THSD1: variants seen among roughly 807,000 people sequenced by gnomAD.
THSD1 encodes thrombospondin type-1 domain-containing protein 1.
Under a neutral mutation model 46.3 loss-of-function variants are expected in THSD1, and 34 were observed. The ratio of observed to expected loss-of-function variants is 0.74; its 90% confidence interval spans 0.56 to 0.98. The LOEUF is 0.98. Ranked by LOEUF, THSD1 falls within the 50% of genes least tolerant of loss-of-function variation. The pLI is 0.00. For synonymous variants in THSD1, 407 were observed against 416.5 expected (o/e 0.98, Z 0.28); for missense variants, 1,023 against 1,058.3 (o/e 0.97, Z 0.46).
intron 4 of THSD1, among the ~76,000 whole-genome samples, chr13:52,379,803 C>T (rs1353374033): frequency 6.6e-6 from 1 of 152,106 alleles, no homozygotes; most frequent in African/African-American, 2.4e-5. Flanking sequence ...TCAGTGTTCA[C>T]TTACGATAAT....
At chr13:52,400,182 G>T in intron 2 of THSD1, 1 of 158,890 alleles carries the variant, frequency 6.3e-6, no homozygotes, top group Non-Finnish European at 1.4e-5. Context: ...GCCAGTCAAT[G>T]AAAAAGACAC....
intron 2 of THSD1, among the ~76,000 whole-genome samples, chr13:52,401,570 A>T (rs918218663): frequency 2.1e-4 from 32 of 152,296 alleles, no homozygotes; most frequent in African/African-American, 7.5e-4. Flanking sequence ...AAGTGCTGGG[A>T]TTACAGGCAT....
At position 52,397,848 on chromosome 13, in the gene THSD1, A is replaced by G. The variant is rs1359616006; in HGVS notation, c.405T>C (p.Asn135=). ...VEWPVFHVDL[N]RSAKAAEGTF... Reference sequence around the variant, plus strand: ...TGCCTTCTGCTGCCTTGGCACTCCTATTCAAGTCAACGTGAAAGACAGGCC... The same window carrying G: ...TGCCTTCTGCTGCCTTGGCACTCCTGTTCAAGTCAACGTGAAAGACAGGCC... Residue 135 remains asparagine (N), a synonymous_variant, in exon 3 of 5, where the codon AAT becomes AAC. Coordinates refer to ENST00000258613, the MANE Select transcript of THSD1 (RefSeq NM_018676.4). 1.9e-6 allele frequency: 3 copies of G among 1,614,232 alleles called. No individual in the cohort carries two copies. The highest frequency in any genetic ancestry group is 2.7e-5 in the African/African-American group (2 of 75,058).
intron 3 of THSD1, among the ~76,000 whole-genome samples, chr13:52,388,882 C>T (rs1957752701): frequency 6.6e-6 from 1 of 152,098 alleles, no homozygotes; most frequent in South Asian, 2.1e-4. Flanking sequence ...AGTCCTTATA[C>T]TACATGTGAA....
At chr13:52,379,619 C>T (rs573228652) in intron 4 of THSD1, among the ~76,000 whole-genome samples, 5 of 152,078 alleles carry the variant, frequency 3.3e-5, no homozygotes, top group African/African-American at 4.8e-5. Context: ...GAACTATAGG[C>T]GCATGCCACC....
chr13:52,402,837 A>G (rs1451549217), intron 1 of THSD1, 156 bp from the exon 2 acceptor site: 1 of 980,566 alleles, frequency 1.0e-6, no homozygotes. Context: ...AATGACTTAT[A>G]ATTATACAAG....
At chr13:52,390,869 G>T (rs537926011) in intron 3 of THSD1, among the ~76,000 whole-genome samples, 2 of 151,824 alleles carry the variant, frequency 1.3e-5, no homozygotes, top group Non-Finnish European at 2.9e-5. Context: ...AAAGTCATTT[G>T]TCAAACTAAA....
chr13:52,402,309 GT>G (rs1957870081), intron 2 of THSD1, among the ~76,000 whole-genome samples: 1 of 152,176 alleles, frequency 6.6e-6, no homozygotes. Flanking sequence ...ATTTGAGAGA[GT>G]TGGTTTTTTT....
chr13:52,379,813 T>C (rs73486113), intron 4 of THSD1, among the ~76,000 whole-genome samples: 2,032 of 152,268 alleles, frequency 0.013, 30 homozygotes, highest in African/African-American at 0.039. Context: ...CTTACGATAA[T>C]GTAAACATGG....
At chr13:52,400,940 A>G (rs1957853332) in intron 2 of THSD1, among the ~76,000 whole-genome samples, 1 of 152,042 alleles carries the variant, frequency 6.6e-6, no homozygotes, top group African/African-American at 2.4e-5. Context: ...AGGCTGTTAC[A>G]TGTAGAGTAA....
chr13:52,393,017 C>G (rs1957784618), intron 3 of THSD1, among the ~76,000 whole-genome samples: 1 of 151,766 alleles, frequency 6.6e-6, no homozygotes, highest in African/African-American at 2.4e-5. Flanking sequence ...AATCTAAAAG[C>G]TTTGTACTGT....
At chr13:52,404,692 T>G (rs1291970139) in intron 1 of THSD1, among the ~76,000 whole-genome samples, 2 of 152,200 alleles carry the variant, frequency 1.3e-5, no homozygotes, top group Non-Finnish European at 2.9e-5. Context: ...TTACAATGCT[T>G]CTTTTAAGTC....
At chr13:52,389,712 A>T (rs1240617985) in intron 3 of THSD1, among the ~76,000 whole-genome samples, 1 of 152,200 alleles carries the variant, frequency 6.6e-6, no homozygotes, top group African/African-American at 2.4e-5. Flanking sequence ...ATCCTAAATG[A>T]GGATGTACCT....
chr13:52,380,074 C>G (rs938147937), intron 4 of THSD1, among the ~76,000 whole-genome samples: 2 of 152,144 alleles, frequency 1.3e-5, no homozygotes, highest in Non-Finnish European at 2.9e-5. Context: ...CCCCTTCCTA[C>G]CTTCCATTGT....
intron 1 of THSD1, among the ~76,000 whole-genome samples, chr13:52,404,429 T>C (rs914357516): frequency 2.6e-5 from 4 of 152,196 alleles, no homozygotes; most frequent in African/African-American, 9.7e-5. Context: ...AAGGAAATAC[T>C]GTACTTCCTG....
Position 52,397,364 on chromosome 13 carries a change from C to T in THSD1, c.889G>A (p.Gly297Arg). Residue 297 changes from glycine (G) to arginine (R), a missense_variant, in exon 3 of 5, where the codon GGA becomes AGA. Transcript: ENST00000258613. ...CAGTTAAAAATTGTCCTCCTCTCTCCCAGGGGCAGGCTGTTTTCAGCCAAG... is the reference window on the plus strand; with the variant it reads ...CAGTTAAAAATTGTCCTCCTCTCTCTCAGGGGCAGGCTGTTTTCAGCCAAG... ...IHLAENSLPL[G>R]ERRTIFNCTL... The T allele has an allele frequency of 1.2e-6, 2 of 1,614,132 alleles. No homozygotes were observed. The highest frequency in any genetic ancestry group is 1.1e-5 in the South Asian group (1 of 91,082).
In THSD1 at chr13:52,397,581, T is replaced by C. The variant is rs1407986724; in HGVS notation, c.672A>G (p.Arg224=). ...GTCCTGTGGAGGTAATGACTGAGTC[T>C]CGCCCAAGCAGCTTCAGCACCACGG... ...YVTVVLKLLG[R]DSVITSTGPI... is the part of the protein sequence containing the mutation. The change falls in exon 3 of 5, where the codon CGA becomes CGG. Residue 224 remains arginine, a synonymous_variant. Transcript: ENST00000258613. 1 of 1,614,196 alleles carries C rather than the reference T, an allele frequency of 6.2e-7. No homozygotes were observed. Among genetic ancestry groups the C allele is most frequent in the Non-Finnish European group, 8.5e-7 (1 of 1,180,036 alleles).
chr13:52,390,511 A>G (rs1009138155), intron 3 of THSD1, among the ~76,000 whole-genome samples: 5 of 152,190 alleles, frequency 3.3e-5, no homozygotes, highest in East Asian at 1.9e-4. Flanking sequence ...AGTGAACACA[A>G]TATTGGTTCT....
intron 4 of THSD1, among the ~76,000 whole-genome samples, chr13:52,383,165 G>T (rs1957705298): frequency 2.0e-5 from 3 of 152,050 alleles, no homozygotes; most frequent in Admixed American, 2.0e-4. Flanking sequence ...GCTACTATAA[G>T]CCCCTTCAAG....
Sources: allele counts gnomAD v4.1 joint callset (sites outside exome capture counted in the v4.1 genomes callset), GRCh38; gene constraint gnomAD v4.1.1; transcripts MANE v1.5; gene names NCBI Gene and HGNC (gene_info 2026-07-23, HGNC 2026-07-21).